KCNC4: variants seen among roughly 807,000 people sequenced by gnomAD.
KCNC4 encodes potassium voltage-gated channel subfamily C member 4.
A neutral mutation model predicts 42.8 loss-of-function variants in KCNC4; 23 were observed. The ratio of observed to expected loss-of-function variants is 0.54; its 90% CI spans 0.39 to 0.76. The LOEUF (loss-of-function observed/expected upper bound fraction) is 0.76, where lower values mean the gene tolerates loss of function less well. Among genes scored for constraint, KCNC4 ranks in the 30% least tolerant of loss-of-function variants. The pLI, the probability that KCNC4 is intolerant of heterozygous loss-of-function variation, is 0.00. For missense variants in KCNC4, 751 were observed against 898.2 expected (o/e 0.84, Z 2.10); for synonymous variants, 422 against 393.5 (o/e 1.07, Z -0.86).
chr1:110,212,159 C>G lies in KCNC4; in HGVS notation c.660C>G (p.Tyr220Ter). ...PRMWALFEDPYSSRAARVVAF... is the reference protein window; with the variant it reads ...PRMWALFEDP Reference sequence around the variant, plus strand: ...TGTGGGCGCTCTTCGAGGATCCCTACTCCTCCCGGGCCGCTAGGGTGAGTG... The same window carrying G: ...TGTGGGCGCTCTTCGAGGATCCCTAGTCCTCCCGGGCCGCTAGGGTGAGTG... The change falls in exon 1 of 4, where the codon TAC (tyrosine) becomes TAG (stop). Residue 220 changes from tyrosine to a stop codon, truncating the protein, a stop_gained. Coordinates refer to ENST00000438661, the MANE Select transcript of KCNC4 (RefSeq NM_001039574.3). LOFTEE classifies it high-confidence loss of function. 6.6e-7 allele frequency: 1 copy of G among 1,509,722 alleles called. No individual in the cohort carries two copies. The highest frequency in any genetic ancestry group is 8.7e-7 in the Non-Finnish European group (1 of 1,145,758). The allele number at this position is 1,509,722 out of a possible 1,614,324, so 93.5% of individuals were successfully genotyped here. A position where few individuals can be genotyped will look rare whatever the true frequency, so the allele number is the denominator to read the frequency against.
rs1657411887 is a variant in KCNC4, at chr1:110,211,057, T to C, written c.-443T>C. 6.6e-6 allele frequency among the ~76,000 whole-genome samples: 1 copy of C among 152,210 alleles called. No individual in the cohort carries two copies. The highest frequency in any genetic ancestry group is 2.4e-5 in the African/African-American group (1 of 41,456). On this transcript the variant is annotated 5_prime_UTR_variant, in exon 1 of 4. Transcript: ENST00000438661. This position sits in a 1 kb window ranked among gnomAD's most constrained non-coding sequence, Gnocchi z 6.5. Reference sequence around the variant, plus strand: ...GCGGGGAAGCCGGCTATTCCGGGGCTTGGTGCGGTCTTGGAGCCGGAGGGT... The same window carrying C: ...GCGGGGAAGCCGGCTATTCCGGGGCCTGGTGCGGTCTTGGAGCCGGAGGGT...
At chr1:110,246,393 G>A (rs1374316276) in exon 4 of KCNC4, 1 of 152,212 alleles carries the variant, frequency 6.6e-6, no homozygotes, top group Non-Finnish European at 1.5e-5. Context: ...TGACTAGAGG[G>A]TAGGGAGTTG....
intron 1 of KCNC4, among the ~76,000 whole-genome samples, chr1:110,268,393 G>A (rs576544346): frequency 2.0e-5 from 3 of 152,226 alleles, no homozygotes; most frequent in Non-Finnish European, 2.9e-5. Flanking sequence ...AGATCACGAG[G>A]TCAGGAGATC....
intron 1 of KCNC4, 125 bp downstream of exon 1, chr1:110,212,302 C>G: frequency 2.8e-6 from 3 of 1,058,506 alleles, no homozygotes; most frequent in Non-Finnish European, 3.7e-6. Flanking sequence ...ATTGTTCCCG[C>G]CTTCCTCTCA....
At position 110,211,433 on chromosome 1, in the gene KCNC4, C is replaced by G. The variant is rs1298115399; in HGVS notation, c.-67C>G. On this transcript the variant is annotated 5_prime_UTR_variant, in exon 1 of 4. Coordinates refer to ENST00000438661, the MANE Select transcript of KCNC4 (RefSeq NM_001039574.3). This position sits in a 1 kb window ranked among gnomAD's most constrained non-coding sequence, Gnocchi z 6.5. ...TCTCCTCCCCCTCCCCCGTCTGACG[C>G]TGCCTCCTCGGGAAGGGTGTTTGGA... is the stretch of plus-strand genomic sequence containing the variant. The G allele has an allele frequency of 6.6e-7, 1 of 1,517,210 alleles. No homozygotes were observed. The highest frequency in any genetic ancestry group is 8.9e-7 in the Non-Finnish European group (1 of 1,128,992). 94.0% of individuals were successfully genotyped at this position (1,517,210 alleles called of 1,614,324 possible). A position where few individuals can be genotyped will look rare whatever the true frequency, so the allele number is the denominator to read the frequency against.
chr1:110,260,804 C>G (rs570820018), intron 1 of KCNC4, among the ~76,000 whole-genome samples: 3 of 152,272 alleles, frequency 2.0e-5, no homozygotes, highest in African/African-American at 7.2e-5. Flanking sequence ...GAGACGTGCG[C>G]TTGTAGTCCC....
At chr1:110,237,782 G>A (rs1658941028), downstream of KCNC4, 2 of 152,246 alleles carry the variant, frequency 1.3e-5, no homozygotes, top group Non-Finnish European at 2.9e-5. Context: ...AGGGATATAG[G>A]GCAGGGCAGA....
intron 2 of KCNC4, chr1:110,224,222 C>A: frequency 3.2e-6 from 1 of 312,004 alleles, no homozygotes; most frequent in Non-Finnish European, 5.9e-6. Context: ...TGAGGCCAGT[C>A]ACTCACCCTC....
exon 4 of KCNC4, chr1:110,242,933 G>C (rs1180673655): frequency 6.6e-6 from 1 of 152,190 alleles, no homozygotes. Flanking sequence ...TCTGGTCCAC[G>C]GCCAGATTGC....
chr1:110,265,401 A>G (rs1261243739), intron 1 of KCNC4, among the ~76,000 whole-genome samples: 1 of 111,326 alleles, frequency 9.0e-6, no homozygotes, highest in Non-Finnish European at 1.7e-5. Flanking sequence ...ATAAAATAAA[A>G]TAAAATAAAA....
intron 1 of KCNC4, among the ~76,000 whole-genome samples, chr1:110,268,932 G>C (rs1659595286): frequency 6.6e-6 from 1 of 151,670 alleles, no homozygotes; most frequent in South Asian, 2.1e-4. Context: ...GTTTCACCGT[G>C]GTCTCGATCT....
rs548689582 is a variant in KCNC4 at position 110,280,419 on chromosome 1, A to AAGGGAAGGTGTCTTCCCTGAGACCTT, written n.31-2106_31-2081dup. 2.8e-3 allele frequency among the ~76,000 whole-genome samples: 421 copies of AAGGGAAGGTGTCTTCCCTGAGACCTT among 152,134 alleles called. 1 individual carries two copies. Among genetic ancestry groups the AAGGGAAGGTGTCTTCCCTGAGACCTT allele is most frequent in the Middle Eastern group, 6.8e-3 (2 of 294 alleles). On this transcript the variant is annotated intron_variant and non_coding_transcript_variant, in intron 1 of 2. Coordinates refer to the KCNC4 transcript ENST00000412512. ...GGAGGGAGTGGCAATGGGAGAAGCT[A>AAGGGAAGGTGTCTTCCCTGAGACCTT]AGGGAAGGTGTCTTCCCTGAGACCT...
intron 1 of KCNC4, among the ~76,000 whole-genome samples, chr1:110,254,211 G>C (rs1041352098): frequency 6.6e-6 from 1 of 152,166 alleles, no homozygotes. Flanking sequence ...CAGAAAGGAG[G>C]ATTCGGTTGC....
Position 110,211,844 on chromosome 1 carries a change from G to T in KCNC4, c.345G>T (p.Leu115=), listed in dbSNP as rs1391901673. 2 of 1,611,728 alleles carry T rather than the reference G, an allele frequency of 1.2e-6. No homozygotes were observed. The highest frequency in any genetic ancestry group is 1.7e-6 in the Non-Finnish European group (2 of 1,179,840). Reference sequence around the variant, plus strand: ...TCAACTACTACCGCACCGGCAAGCTGCACTGCCCCGCGGACGTGTGCGGGC... The same window carrying T: ...TCAACTACTACCGCACCGGCAAGCTTCACTGCCCCGCGGACGTGTGCGGGC... ...YVLNYYRTGK[L]HCPADVCGPL... The change falls in exon 1 of 4, where the codon CTG becomes CTT. Residue 115 remains leucine (L), a synonymous_variant. Transcript: ENST00000438661. The surrounding 1 kb of genome is among the most constrained non-coding windows in gnomAD (Gnocchi z 6.5).
At chr1:110,221,857 A>C (rs1658112225) in intron 1 of KCNC4, 1 of 152,258 alleles carries the variant, frequency 6.6e-6, no homozygotes, top group Non-Finnish European at 1.5e-5. Context: ...ATCAGTGGGC[A>C]TCCTGACAGT....
At chr1:110,265,270 C>T (rs1296161345) in intron 1 of KCNC4, among the ~76,000 whole-genome samples, 3 of 151,546 alleles carry the variant, frequency 2.0e-5, no homozygotes, top group South Asian at 4.2e-4. Flanking sequence ...CTAGAAGCCT[C>T]GGAAAAATAA....
At chr1:110,270,548 A>G (rs1659617983) in intron 1 of KCNC4, among the ~76,000 whole-genome samples, 1 of 152,196 alleles carries the variant, frequency 6.6e-6, no homozygotes, top group African/African-American at 2.4e-5. Context: ...ATATGTGTCT[A>G]CTGAACTTCT....
chr1:110,248,900 G>A (rs965060844), exon 4 of KCNC4: 13 of 152,228 alleles, frequency 8.5e-5, no homozygotes, highest in Admixed American at 2.0e-4. Context: ...TCAGCCACAT[G>A]TCTGGAGAGT....
downstream of KCNC4, among the ~76,000 whole-genome samples, chr1:110,253,582 G>A (rs1162499619): frequency 6.6e-6 from 1 of 152,242 alleles, no homozygotes; most frequent in Admixed American, 6.5e-5. Flanking sequence ...TAGTGCTGTA[G>A]CTAAGGTCAG....
Sources: allele counts gnomAD v4.1 joint callset (sites outside exome capture counted in the v4.1 genomes callset), GRCh38; gene constraint gnomAD v4.1.1; non-coding constraint Gnocchi (gnomAD v3.1); transcripts MANE v1.5; gene names NCBI Gene and HGNC (gene_info 2026-07-23, HGNC 2026-07-21).